The following NUDC variants were observed in gnomAD, a reference collection of about 807,000 sequenced individuals.
NUDC encodes the protein nuclear migration protein nudC.
In NUDC, 14 loss-of-function variants were observed where a neutral mutation model predicts 45.0. The ratio of observed to expected loss-of-function variants is 0.31; its 90% CI spans 0.21 to 0.49. NUDC has a LOEUF of 0.49. Among genes scored for constraint, NUDC ranks in the 20% least tolerant of loss-of-function variants. NUDC has a pLI of 0.99. For missense variants in NUDC, 323 were observed against 426.2 expected, an observed-to-expected ratio of 0.76 and a Z score of 2.13; for synonymous variants, 153 against 156.7, an observed-to-expected ratio of 0.98 and a Z score of 0.17.
chr1:26,942,621 C>G (rs946776234), intron 4 of NUDC, 39 bp from the exon 5 acceptor site: 2 of 1,612,998 alleles, frequency 1.2e-6, no homozygotes, highest in Non-Finnish European at 1.7e-6. Flanking sequence ...TGTGTCTTGT[C>G]TGTCAAGTAA....
upstream of NUDC, among the ~76,000 whole-genome samples, chr1:26,917,202 G>C (rs2082066111): frequency 6.6e-6 from 1 of 152,070 alleles, no homozygotes; most frequent in Non-Finnish European, 1.5e-5. Flanking sequence ...AGGTTGCAGG[G>C]AGCCAAGATA....
intron 2 of NUDC, among the ~76,000 whole-genome samples, chr1:26,925,132 C>T (rs36119994): frequency 2.6e-5 from 4 of 151,780 alleles, no homozygotes; most frequent in East Asian, 2.0e-4. Context: ...CCACCCACCT[C>T]GGCCTCCTAA....
intron 6 of NUDC, among the ~76,000 whole-genome samples, chr1:26,944,185 T>C (rs1362138750): frequency 1.3e-5 from 2 of 152,004 alleles, no homozygotes; most frequent in Admixed American, 6.6e-5. Flanking sequence ...TGAGCCACCA[T>C]GCCCAGCCCT....
chr1:26,926,278 G>T (rs535961825), intron 2 of NUDC, among the ~76,000 whole-genome samples: 1 of 152,210 alleles, frequency 6.6e-6, no homozygotes, highest in African/African-American at 2.4e-5. Context: ...ATTCTAACAA[G>T]TTGGTAAACT....
At position 26,941,827 on chromosome 1, in the gene NUDC, G is replaced by T; in HGVS notation, c.429+9G>T. 6.2e-7 allele frequency: 1 copy of T among 1,612,362 alleles called. No individual in the cohort carries two copies. Among genetic ancestry groups the T allele is most frequent in the South Asian group, 1.1e-5 (1 of 90,992 alleles). ...ACTCCCCAGGGAAGCAGGTGAGATGGACTGCAGGGACTTGGGATGAGCCAG... is the reference window on the plus strand; with the variant it reads ...ACTCCCCAGGGAAGCAGGTGAGATGTACTGCAGGGACTTGGGATGAGCCAG... On this transcript the variant is annotated intron_variant, in intron 4 of 8. Transcript: ENST00000321265.
intron 2 of NUDC, among the ~76,000 whole-genome samples, chr1:26,903,715 A>G (rs1163339889): frequency 6.6e-6 from 1 of 152,114 alleles, no homozygotes; most frequent in Non-Finnish European, 1.5e-5. Flanking sequence ...AAAAAATAAT[A>G]AAAATAAAAA....
chr1:26,944,936 G>A (rs1259903199), intron 6 of NUDC, among the ~76,000 whole-genome samples: 2 of 152,144 alleles, frequency 1.3e-5, no homozygotes, highest in African/African-American at 2.4e-5. Flanking sequence ...CAGTTACTCG[G>A]GAGGCTGAGG....
intron 3 of NUDC, chr1:26,913,511 C>A (rs771336177): frequency 1.1e-5 from 17 of 1,613,300 alleles, no homozygotes; most frequent in Non-Finnish European, 1.3e-5. Flanking sequence ...TGCACCGCAG[C>A]CAGGGAGGGC....
chr1:26,942,563 C>T, intron 4 of NUDC, 97 bp from the exon 5 acceptor site: 2 of 1,564,820 alleles, frequency 1.3e-6, no homozygotes, highest in South Asian at 1.1e-5. Context: ...TCTTTTGTGG[C>T]TGTATGCCCA....
At chr1:26,923,507 C>G (rs1221508588) in intron 1 of NUDC, among the ~76,000 whole-genome samples, 2 of 151,832 alleles carry the variant, frequency 1.3e-5, no homozygotes, top group Non-Finnish European at 2.9e-5. Context: ...ACAAGAGTCT[C>G]TCACCCAGGC....
At chr1:26,906,630 A>G (rs1474955361) in intron 2 of NUDC, among the ~76,000 whole-genome samples, 3 of 151,700 alleles carry the variant, frequency 2.0e-5, no homozygotes, top group Non-Finnish European at 4.4e-5. Flanking sequence ...CAGGCGGATC[A>G]TGAGGTCAGG....
At chr1:26,917,129 G>A (rs1251085241), upstream of NUDC, among the ~76,000 whole-genome samples, 1 of 151,256 alleles carries the variant, frequency 6.6e-6, no homozygotes, top group African/African-American at 2.4e-5. Context: ...ATGGTGGCAT[G>A]CCCCTGTAGT....
chr1:26,941,398 C>G (rs536139811), intron 2 of NUDC, 59 bp from the exon 3 acceptor site: 2 of 1,574,866 alleles, frequency 1.3e-6, no homozygotes, highest in African/African-American at 2.7e-5. Context: ...GGGCTGGACT[C>G]CAGGCTGTGG....
chr1:26,930,709 T>G (rs1234867636), intron 2 of NUDC, among the ~76,000 whole-genome samples: 1 of 96,244 alleles, frequency 1.0e-5, no homozygotes, highest in African/African-American at 3.7e-5. Flanking sequence ...AAACCCTGTC[T>G]CAAAAAAAAA....
intron 2 of NUDC, among the ~76,000 whole-genome samples, chr1:26,930,884 C>T (rs573694354): frequency 2.6e-5 from 4 of 151,586 alleles, no homozygotes; most frequent in Admixed American, 6.6e-5. Flanking sequence ...GGCATGGTGG[C>T]AGGGGCCTGT....
upstream of NUDC, among the ~76,000 whole-genome samples, chr1:26,918,204 T>C (rs989802178): frequency 2.0e-5 from 3 of 151,278 alleles, no homozygotes; most frequent in African/African-American, 4.9e-5. Flanking sequence ...AGGGTCATGC[T>C]GTATCCCCCA....
intron 2 of NUDC, among the ~76,000 whole-genome samples, chr1:26,925,207 G>A (rs2082121150): frequency 6.6e-6 from 1 of 151,180 alleles, no homozygotes; most frequent in Non-Finnish European, 1.5e-5. Context: ...AATAACCTAG[G>A]AGATGAGACT....
intron 2 of NUDC, among the ~76,000 whole-genome samples, chr1:26,908,434 A>G (rs1392538254): frequency 1.3e-5 from 2 of 152,246 alleles, no homozygotes. Flanking sequence ...TCTTTGCTCA[A>G]GGCAAGGAAA....
At chr1:26,920,448 T>A (rs909784358), upstream of NUDC, among the ~76,000 whole-genome samples, 1 of 151,296 alleles carries the variant, frequency 6.6e-6, no homozygotes, top group Non-Finnish European at 1.5e-5. Context: ...GTCACTGCAC[T>A]CCAGCCTGGG....
Sources: gnomAD v4.1 joint callset for allele counts (sites outside exome capture counted in the v4.1 genomes callset) on GRCh38, gnomAD v4.1.1 for gene constraint, MANE v1.5 for transcripts, NCBI Gene and HGNC (gene_info 2026-07-23, HGNC 2026-07-21) for gene names.